LYN: variants seen among roughly 807,000 people sequenced by gnomAD.
LYN encodes tyrosine-protein kinase Lyn.
LYN carries 12 observed loss-of-function variants against 65.0 expected under a neutral mutation model. That is an observed-to-expected ratio of 0.18 (90% CI 0.12 to 0.30). The LOEUF (loss-of-function observed/expected upper bound fraction) is 0.30, where lower values mean the gene tolerates loss of function less well. Ranked by LOEUF, LYN falls within the 10% of genes least tolerant of loss-of-function variation. The pLI, the probability that LYN is intolerant of heterozygous loss-of-function variation, is 1.00. For synonymous variants in LYN, 222 were observed against 221.2 expected (o/e 1.00, Z -0.03); for missense variants, 380 against 623.2 (o/e 0.61, Z 4.16).
At chr8:55,912,523 C>T (rs557243766) in intron 1 of LYN, among the ~76,000 whole-genome samples, 9 of 152,194 alleles carry the variant, frequency 5.9e-5, no homozygotes, top group African/African-American at 1.7e-4. Context: ...TCCAGGAGTT[C>T]GAGACCAGCC....
chr8:55,986,108 G>T (rs997534929), intron 10 of LYN, among the ~76,000 whole-genome samples: 39 of 151,920 alleles, frequency 2.6e-4, no homozygotes, highest in Admixed American at 2.5e-3. Context: ...GGTTGAGGCT[G>T]CAGTGAGCTG....
At position 55,888,411 on chromosome 8, in the gene LYN, A is replaced by G. The variant is rs542329173; in HGVS notation, c.-6+8308A>G. Among the ~76,000 whole-genome samples, 12 of 152,302 alleles carry G rather than the reference A, an allele frequency of 7.9e-5. No individual in the cohort carries two copies. In the East Asian group the frequency reaches 2.3e-3, roughly 29 times the overall value. On this transcript the variant is annotated intron_variant, in intron 1 of 12. Coordinates refer to ENST00000519728, the MANE Select transcript of LYN (RefSeq NM_002350.4). ...TTCATGGCATTAACGAAGGGGAATC[A>G]CTGGAGCCTTTTAGTATGAAGCTAA...
At chr8:55,917,809 T>G (rs1805821896) in intron 1 of LYN, among the ~76,000 whole-genome samples, 1 of 152,228 alleles carries the variant, frequency 6.6e-6, no homozygotes, top group Non-Finnish European at 1.5e-5. Flanking sequence ...GCTTGAGATA[T>G]TCAATGGCAG....
chr8:55,999,940 C>T (rs1808470463), intron 12 of LYN, among the ~76,000 whole-genome samples: 1 of 151,338 alleles, frequency 6.6e-6, no homozygotes, highest in South Asian at 2.1e-4. Context: ...CATTCCACTC[C>T]AGCCTACACG....
chr8:55,993,975 G>A (rs1444153357), intron 10 of LYN, among the ~76,000 whole-genome samples: 1 of 152,198 alleles, frequency 6.6e-6, no homozygotes, highest in East Asian at 1.9e-4. Context: ...TCTTTCTGTA[G>A]TGCTGAACGC....
chr8:55,931,563 C>A (rs1806271685), intron 1 of LYN, among the ~76,000 whole-genome samples: 1 of 151,938 alleles, frequency 6.6e-6, no homozygotes, highest in Non-Finnish European at 1.5e-5. Context: ...GGTAGTTTAG[C>A]CTATTTCTTT....
chr8:55,977,939 C>G (rs1169793761), intron 10 of LYN, among the ~76,000 whole-genome samples: 2 of 152,014 alleles, frequency 1.3e-5, no homozygotes, highest in African/African-American at 2.4e-5. Flanking sequence ...AAAACAAAAG[C>G]AAACAGAGCT....
chr8:55,939,225 C>T (rs1806526379), intron 1 of LYN, among the ~76,000 whole-genome samples: 1 of 152,150 alleles, frequency 6.6e-6, no homozygotes, highest in Admixed American at 6.5e-5. Context: ...AATGGGGGAC[C>T]CCAAACACTT....
chr8:55,922,894 C>A (rs1237968437), intron 1 of LYN, among the ~76,000 whole-genome samples: 3 of 152,230 alleles, frequency 2.0e-5, no homozygotes, highest in Non-Finnish European at 4.4e-5. Context: ...CGTAGCAGGG[C>A]TGTTGTAGCA....
At chr8:55,940,869 G>A (rs1206802765) in intron 1 of LYN, among the ~76,000 whole-genome samples, 1 of 152,186 alleles carries the variant, frequency 6.6e-6, no homozygotes, top group Non-Finnish European at 1.5e-5. Context: ...TCAGGCACCA[G>A]CCCCCTTCTT....
In LYN at chr8:55,931,737, G is replaced by A. The variant is rs535394524; in HGVS notation, c.-5-10118G>A. 3.3e-5 allele frequency among the ~76,000 whole-genome samples: 5 copies of A among 151,928 alleles called. No homozygotes were observed. The East Asian group carries it at 9.7e-4, about 29-fold the overall frequency. ...TAGTCACTTAGTATTCTTTTGTGTT[G>A]AAGTATCATGTTCTAGATCAATTTT... On this transcript the variant is annotated intron_variant, in intron 1 of 12. Transcript: ENST00000519728.
rs1219499238 is a variant in LYN at position 55,950,505 on chromosome 8, G to C, written c.331G>C (p.Gly111Arg). The C allele has an allele frequency of 6.2e-7, 1 of 1,613,672 alleles. No homozygotes were observed. The highest frequency in any genetic ancestry group is 8.5e-7 in the Non-Finnish European group (1 of 1,179,954). ...KAKSLLTKKE[G>R]FIPSNYVAKL... ...AAAGTCCCTTTTAACAAAAAAAGAA[G>C]GCTTCATCCCCAGCAACTATGTGGC... is the stretch of plus-strand genomic sequence containing the variant. Residue 111 changes from glycine to arginine, a missense_variant, in exon 5 of 13, where the codon GGC becomes CGC. Gly to Arg is a moderately radical substitution (Grantham distance 125). Coordinates refer to ENST00000519728, the MANE Select transcript of LYN (RefSeq NM_002350.4).
At chr8:55,932,100 CA>C (rs1279553068) in intron 1 of LYN, among the ~76,000 whole-genome samples, 1 of 152,084 alleles carries the variant, frequency 6.6e-6, no homozygotes, top group African/African-American at 2.4e-5. Flanking sequence ...AGGATAGAAC[CA>C]TCCTGAAATA....
chr8:55,965,772 T>C (rs1029555525), intron 8 of LYN, among the ~76,000 whole-genome samples: 3 of 152,210 alleles, frequency 2.0e-5, no homozygotes, highest in African/African-American at 7.2e-5. Context: ...ATAGCATATA[T>C]AGAGTTTTGT....
At chr8:55,885,626 G>T (rs1164475941) in intron 1 of LYN, among the ~76,000 whole-genome samples, 1 of 152,166 alleles carries the variant, frequency 6.6e-6, no homozygotes. Flanking sequence ...TGGTGTTTGG[G>T]TCTCTGGGTG....
intron 12 of LYN, 51 bp from the exon 13 acceptor site, chr8:56,009,857 A>G (rs776683800): frequency 7.4e-6 from 11 of 1,486,634 alleles, no homozygotes; most frequent in Non-Finnish European, 1.0e-5. Flanking sequence ...ACCCTCTGCC[A>G]GGTTTCTAAA....
chr8:55,929,548 T>TATCAATAATTG (rs1292608032), intron 1 of LYN, among the ~76,000 whole-genome samples: 1 of 152,166 alleles, frequency 6.6e-6, no homozygotes, highest in Non-Finnish European at 1.5e-5. Flanking sequence ...TAACAGAAAA[T>TATCAATAATTG]ATCAATAATT....
chr8:55,999,300 A>T, intron 11 of LYN, 118 bp from the exon 12 acceptor site: 1 of 799,742 alleles, frequency 1.3e-6, no homozygotes, highest in South Asian at 1.7e-5. Flanking sequence ...AGCCTGGGTG[A>T]CAAGAGTGAA....
intron 1 of LYN, among the ~76,000 whole-genome samples, chr8:55,918,608 G>A (rs1435839212): frequency 6.6e-6 from 1 of 152,216 alleles, no homozygotes; most frequent in Non-Finnish European, 1.5e-5. Context: ...CATAAGTGAT[G>A]TTGACCAGAG....
Sources: allele counts gnomAD v4.1 joint callset (sites outside exome capture counted in the v4.1 genomes callset), GRCh38; gene constraint gnomAD v4.1.1; transcripts MANE v1.5; gene names NCBI Gene and HGNC (gene_info 2026-07-23, HGNC 2026-07-21).